Variants in ENTHD1 observed in about 807,000 individuals in gnomAD.
ENTHD1 encodes ENTH domain containing 1, also known as ENTH domain-containing protein 1.
A neutral mutation model predicts 39.1 loss-of-function variants in ENTHD1; 23 were observed. The observed-to-expected ratio is 0.59, with a 90% confidence interval of 0.42 to 0.83. The LOEUF (loss-of-function observed/expected upper bound fraction) is 0.83, where lower values mean the gene tolerates loss of function less well. ENTHD1 is among the 40% of genes least tolerant of loss of function. The probability of loss-of-function intolerance (pLI) is 0.00; values close to 1 mark genes in which losing one functional copy is unlikely to be tolerated. For missense variants in ENTHD1, 624 were observed against 705.4 expected (o/e 0.88, Z 1.31); for synonymous variants, 230 against 258.2 (o/e 0.89, Z 1.05).
chr22:39,857,443 CAAAAAA>C lies in ENTHD1; in HGVS notation c.592+4316_592+4321del, dbSNP rs71197196. Among the ~76,000 whole-genome samples, 124 of 24,684 alleles carry C rather than the reference CAAAAAA, an allele frequency of 5.0e-3. No individual in the cohort carries two copies. The South Asian group carries it at 0.14, about 29-fold the overall frequency. 16.2% of individuals were successfully genotyped at this position (24,684 alleles called of 152,430 possible). On this transcript the variant is annotated intron_variant, in intron 3 of 6. Transcript: ENST00000325157. ...GGACAGCAAGAGTGAAACTCCGTCT[CAAAAAA>C]AAAAAAAAAAAAAAAAAAAAAAGCA...
intron 5 of ENTHD1, among the ~76,000 whole-genome samples, chr22:39,794,977 G>A (rs758159863): frequency 7.9e-5 from 12 of 152,054 alleles, no homozygotes; most frequent in African/African-American, 2.9e-4. Flanking sequence ...ATCATGAAGC[G>A]TCATTGGATT....
At chr22:39,889,426 T>C (rs2066408603) in intron 1 of ENTHD1, among the ~76,000 whole-genome samples, 2 of 152,236 alleles carry the variant, frequency 1.3e-5, no homozygotes, top group Non-Finnish European at 2.9e-5. Context: ...TCAGTCAGTT[T>C]GCAATTTCTC....
At chr22:39,816,284 A>G (rs1479067739) in intron 5 of ENTHD1, among the ~76,000 whole-genome samples, 1 of 152,234 alleles carries the variant, frequency 6.6e-6, no homozygotes, top group Non-Finnish European at 1.5e-5. Context: ...AATTCAGAAT[A>G]ATGTATTTTA....
intron 2 of ENTHD1, among the ~76,000 whole-genome samples, chr22:39,870,743 A>G (rs1301682823): frequency 1.3e-5 from 2 of 152,220 alleles, no homozygotes; most frequent in African/African-American, 4.8e-5. Flanking sequence ...TGAGATACAA[A>G]TAAAGTATCC....
intron 3 of ENTHD1, among the ~76,000 whole-genome samples, chr22:39,845,240 T>C (rs2065977581): frequency 6.6e-6 from 1 of 152,040 alleles, no homozygotes; most frequent in Non-Finnish European, 1.5e-5. Flanking sequence ...AACAACTCCA[T>C]CACAGGGCCC....
intron 3 of ENTHD1, among the ~76,000 whole-genome samples, chr22:39,861,304 C>T (rs2066137815): frequency 6.6e-6 from 1 of 152,200 alleles, no homozygotes; most frequent in Admixed American, 6.5e-5. Context: ...CTTTCGGAGG[C>T]CAAGGCAGGA....
chr22:39,844,156 A>G (rs1482507114), intron 3 of ENTHD1, among the ~76,000 whole-genome samples: 3 of 152,044 alleles, frequency 2.0e-5, no homozygotes, highest in Non-Finnish European at 4.4e-5. Context: ...TTCTTGGTAG[A>G]TGAATTTTGA....
chr22:39,844,283 C>A (rs776973598), intron 3 of ENTHD1, among the ~76,000 whole-genome samples: 7 of 152,054 alleles, frequency 4.6e-5, no homozygotes, highest in Non-Finnish European at 8.8e-5. Flanking sequence ...TGAAAAAGAA[C>A]CAACTTTACT....
At position 39,859,833 on chromosome 22, in the gene ENTHD1, C is replaced by A. The variant is rs191810471; in HGVS notation, c.592+1932G>T. Reference sequence around the variant, plus strand: ...TCAGAAAAATGGTGCCAATAAACTTCTTGGGTACAGGATTGCCACAAACCT... The same window carrying A: ...TCAGAAAAATGGTGCCAATAAACTTATTGGGTACAGGATTGCCACAAACCT... On this transcript the variant is annotated intron_variant, in intron 3 of 6. Transcript: ENST00000325157. 2.0e-5 allele frequency among the ~76,000 whole-genome samples: 3 copies of A among 152,334 alleles called. No individual in the cohort carries two copies. The East Asian group carries it at 5.8e-4, about 29-fold the overall frequency.
rs59794007 is a variant in ENTHD1 at position 39,795,594 on chromosome 22, ATT to A, written c.832+25397_832+25398del. Among the ~76,000 whole-genome samples, 130 of 141,240 alleles carry A rather than the reference ATT, an allele frequency of 9.2e-4. 1 individual carries two copies. The highest frequency in any genetic ancestry group is 1.8e-3 in the African/African-American group (69 of 38,602). 92.7% of individuals were successfully genotyped at this position (141,240 alleles called of 152,430 possible). ...AGGCACATGCCACCATGCCTGGCTA[ATT>A]TTTTTTTTTTTTTTAAGAGACAAGA... On this transcript the variant is annotated intron_variant, in intron 5 of 6. Transcript: ENST00000325157.
At chr22:39,822,549 T>C (rs2065791496) in intron 4 of ENTHD1, among the ~76,000 whole-genome samples, 1 of 152,118 alleles carries the variant, frequency 6.6e-6, no homozygotes, top group African/African-American at 2.4e-5. Context: ...CTCCCTCCTT[T>C]CCTACCTATA....
intron 4 of ENTHD1, among the ~76,000 whole-genome samples, chr22:39,821,879 A>G (rs1384095606): frequency 6.6e-6 from 1 of 152,200 alleles, no homozygotes; most frequent in African/African-American, 2.4e-5. Flanking sequence ...TTCTTTTATA[A>G]GGGCACTAAT....
At chr22:39,857,188 A>G (rs2066098602) in intron 3 of ENTHD1, among the ~76,000 whole-genome samples, 1 of 152,102 alleles carries the variant, frequency 6.6e-6, no homozygotes, top group African/African-American at 2.4e-5. Context: ...CATGACTGTA[A>G]TCCCAGCACT....
At chr22:39,836,570 A>C (rs2065909029) in intron 3 of ENTHD1, among the ~76,000 whole-genome samples, 1 of 152,212 alleles carries the variant, frequency 6.6e-6, no homozygotes, top group African/African-American at 2.4e-5. Context: ...CTAATCAGAA[A>C]TGTATAGATT....
chr22:39,799,571 T>A (rs937668207), intron 5 of ENTHD1, among the ~76,000 whole-genome samples: 2 of 152,104 alleles, frequency 1.3e-5, no homozygotes, highest in African/African-American at 4.8e-5. Context: ...CTCAAAAAAA[T>A]TGAATACCAG....
At chr22:39,747,199 G>A (rs2065112368) in intron 6 of ENTHD1, among the ~76,000 whole-genome samples, 1 of 152,104 alleles carries the variant, frequency 6.6e-6, no homozygotes, top group Non-Finnish European at 1.5e-5. Context: ...ACATTGGCAA[G>A]GCTGGTCTCA....
intron 2 of ENTHD1, among the ~76,000 whole-genome samples, chr22:39,868,859 C>A (rs893195879): frequency 1.3e-5 from 2 of 152,118 alleles, no homozygotes; most frequent in South Asian, 4.1e-4. Context: ...CCAAAAAACA[C>A]ACAGAAAAAA....
Position 39,820,150 on chromosome 22 carries a change from T to C in ENTHD1, c.832+843A>G, listed in dbSNP as rs150876131. Reference sequence around the variant, plus strand: ...TAAGAAAACTCTATAAATATGAACTTGAACAAGAAAATAAACCCATACTAA... The same window carrying C: ...TAAGAAAACTCTATAAATATGAACTCGAACAAGAAAATAAACCCATACTAA... On this transcript the variant is annotated intron_variant, in intron 5 of 6. Transcript: ENST00000325157. Among the ~76,000 whole-genome samples, 130 of 152,206 alleles carry C rather than the reference T, an allele frequency of 8.5e-4. 1 individual carries two copies. The East Asian group carries it at 0.022, about 26-fold the overall frequency.
At chr22:39,799,277 G>T (rs2065578869) in intron 5 of ENTHD1, among the ~76,000 whole-genome samples, 1 of 152,186 alleles carries the variant, frequency 6.6e-6, no homozygotes, top group Non-Finnish European at 1.5e-5. Context: ...TCAGCCATAG[G>T]CAGGTAGTTC....
Sources: gnomAD v4.1 joint callset for allele counts (sites outside exome capture counted in the v4.1 genomes callset) on GRCh38, gnomAD v4.1.1 for gene constraint, MANE v1.5 for transcripts, NCBI Gene and HGNC (gene_info 2026-07-23, HGNC 2026-07-21) for gene names.